USH2A: variants seen among roughly 807,000 people sequenced by gnomAD.
USH2A encodes the protein usherin.
A neutral mutation model predicts 538.9 loss-of-function variants in USH2A; 443 were observed. That is an observed-to-expected ratio of 0.82 (90% CI 0.76 to 0.89). The LOEUF (loss-of-function observed/expected upper bound fraction) is 0.89, where lower values mean the gene tolerates loss of function less well. Ranked by LOEUF, USH2A falls within the 40% of genes least tolerant of loss-of-function variation. USH2A has a pLI of 0.00. For synonymous variants in USH2A, 2,413 were observed against 2,273.5 expected, an observed-to-expected ratio of 1.06 and a Z score of -1.75; for missense variants, 6,633 against 6,324.8, an observed-to-expected ratio of 1.05 and a Z score of -1.65.
At position 215,683,216 on chromosome 1, in the gene USH2A, TACACACACACACACACACACACAC is replaced by T. The variant is rs71167830; in HGVS notation, c.12067-2864_12067-2841del. 5.5e-3 allele frequency among the ~76,000 whole-genome samples: 819 copies of T among 149,680 alleles called. 7 individuals carry two copies. The highest frequency in any genetic ancestry group is 0.019 in the African/African-American group (761 of 40,370). On this transcript the variant is annotated intron_variant, in intron 61 of 71. Coordinates refer to ENST00000307340, the MANE Select transcript of USH2A (RefSeq NM_206933.4). ...ACTTTGTTATTCCTGAATAGTTTTA[TACACACACACACACACACACACAC>T]ACACACACACACACGCACACACACA... is the stretch of plus-strand genomic sequence containing the variant.
intron 21 of USH2A, among the ~76,000 whole-genome samples, chr1:216,100,558 T>G (rs2032553419): frequency 6.6e-6 from 1 of 152,178 alleles, no homozygotes; most frequent in Non-Finnish European, 1.5e-5. Context: ...ATAAAATTAC[T>G]CAGCTTGAGG....
intron 38 of USH2A, among the ~76,000 whole-genome samples, chr1:215,904,610 A>G (rs1665586083): frequency 1.3e-5 from 2 of 152,046 alleles, no homozygotes; most frequent in African/African-American, 2.4e-5. Flanking sequence ...AGAGCCCTGT[A>G]TCCATCAGCT....
chr1:215,836,574 T>TTTTTA (rs1394664954), intron 47 of USH2A, among the ~76,000 whole-genome samples: 1 of 80,334 alleles, frequency 1.2e-5, no homozygotes, highest in African/African-American at 4.2e-5. Context: ...TATTTTTTTT[T>TTTTTA]GAGACAGAGT....
rs1182678751 is a variant in USH2A at position 215,860,562 on chromosome 1, C to G, written c.8845+6445G>C. On this transcript the variant is annotated intron_variant, in intron 44 of 71. Coordinates refer to ENST00000307340, the MANE Select transcript of USH2A (RefSeq NM_206933.4). ...ATATATGAAAATCAAATCTCAATGTCCAAAATAAAGTTTTATTGGAACATG... is the reference window on the plus strand; with the variant it reads ...ATATATGAAAATCAAATCTCAATGTGCAAAATAAAGTTTTATTGGAACATG... Among the ~76,000 whole-genome samples, 7 of 152,052 alleles carry G rather than the reference C, an allele frequency of 4.6e-5. No homozygotes were observed. In the South Asian group the frequency reaches 1.2e-3, roughly 27 times the overall value.
Position 215,938,529 on chromosome 1 carries a change from G to A in USH2A, c.7121-3734C>T, listed in dbSNP as rs778579342. Among the ~76,000 whole-genome samples the A allele has an allele frequency of 8.5e-4, 130 of 152,068 alleles. 2 individuals are homozygous for A. The highest frequency in any genetic ancestry group is 5.2e-4 in the Admixed American group (8 of 15,246). On this transcript the variant is annotated intron_variant, in intron 37 of 71. Coordinates refer to ENST00000307340, the MANE Select transcript of USH2A (RefSeq NM_206933.4). ...TCAGTGGGCTGGAAAATGCAGCCTCGTTGGTTCAGCCTCAAAAATCAAGCT... is the reference window on the plus strand; with the variant it reads ...TCAGTGGGCTGGAAAATGCAGCCTCATTGGTTCAGCCTCAAAAATCAAGCT...
At chr1:216,173,676 C>T (rs796390454) in intron 21 of USH2A, among the ~76,000 whole-genome samples, 17 of 152,208 alleles carry the variant, frequency 1.1e-4, no homozygotes, top group African/African-American at 3.9e-4. Context: ...GCGAGGATGA[C>T]CAAATTTATT....
intron 34 of USH2A, among the ~76,000 whole-genome samples, chr1:215,996,852 C>T (rs1668155049): frequency 6.6e-6 from 1 of 152,048 alleles, no homozygotes. Context: ...AATGACGTTA[C>T]ATGAAGTAAC....
chr1:216,353,964 A>G (rs771554149), intron 4 of USH2A, among the ~76,000 whole-genome samples: 1 of 152,170 alleles, frequency 6.6e-6, no homozygotes, highest in Non-Finnish European at 1.5e-5. Context: ...CTACTCCCAT[A>G]CTTAGCTCAG....
At chr1:215,683,060 CT>C (rs1658291645) in intron 61 of USH2A, among the ~76,000 whole-genome samples, 1 of 151,614 alleles carries the variant, frequency 6.6e-6, no homozygotes, top group African/African-American at 2.4e-5. Flanking sequence ...TCTTTCTTTC[CT>C]TTTTTTGTAG....
intron 28 of USH2A, 44 bp downstream of exon 28, chr1:216,073,053 A>G: frequency 6.2e-7 from 1 of 1,613,398 alleles, no homozygotes; most frequent in Non-Finnish European, 8.5e-7. Flanking sequence ...AAGGGGGATG[A>G]ATAAGAGACA....
Position 216,232,002 on chromosome 1 carries a change from A to C in USH2A, c.2944T>G (p.Cys982Gly). The change falls in exon 14 of 72, where the codon TGT becomes GGT. Residue 982 changes from cysteine (C) to glycine (G), a missense_variant. Coordinates refer to ENST00000307340, the MANE Select transcript of USH2A (RefSeq NM_206933.4). ...CQDASIAGQR[C>G]DQCKDHYFGF... ...AAGTAATGGTCTTTGCATTGGTCAC[A>C]ACGTTGCCCAGCAATGGAAGCATCT... The C allele has an allele frequency of 6.2e-7, 1 of 1,614,090 alleles. No homozygotes were observed.
intron 24 of USH2A, 116 bp downstream of exon 24, chr1:216,086,603 A>G (rs1300511744): frequency 3.3e-6 from 3 of 899,898 alleles, no homozygotes; most frequent in Non-Finnish European, 5.2e-6. Context: ...TTGGCACATT[A>G]ATATAGAAAA....
At position 215,755,482 on chromosome 1, in the gene USH2A, A is replaced by G. The variant is rs531121160; in HGVS notation, c.11389+3113T>C. Among the ~76,000 whole-genome samples, 13 of 152,338 alleles carry G rather than the reference A, an allele frequency of 8.5e-5. No homozygotes were observed. The East Asian group carries it at 2.1e-3, about 25-fold the overall frequency. On this transcript the variant is annotated intron_variant, in intron 58 of 71. Coordinates refer to ENST00000307340, the MANE Select transcript of USH2A (RefSeq NM_206933.4). The stretch of plus-strand genomic sequence containing the variant: ...ACATGTTTTTATTATCCAAATCAAA[A>G]CACAGCATGAGGTACTTTCCAATAA...
intron 22 of USH2A, among the ~76,000 whole-genome samples, chr1:216,095,202 T>C (rs1292581748): frequency 1.3e-5 from 2 of 152,150 alleles, no homozygotes; most frequent in African/African-American, 4.8e-5. Context: ...TTCTTGAGCA[T>C]GTGCTTTTTG....
At chr1:215,724,094 C>CA (rs375089594) in intron 61 of USH2A, among the ~76,000 whole-genome samples, 3 of 151,746 alleles carry the variant, frequency 2.0e-5, no homozygotes, top group Admixed American at 6.6e-5. Context: ...ATATCTATAT[C>CA]TATATCATCT....
At chr1:216,285,232 C>G (rs1306595575) in intron 11 of USH2A, among the ~76,000 whole-genome samples, 2 of 152,168 alleles carry the variant, frequency 1.3e-5, no homozygotes, top group Admixed American at 1.3e-4. Flanking sequence ...TCCCATGGGC[C>G]CAGGGCCCCC....
At chr1:215,629,657 C>T (rs980840779) in intron 70 of USH2A, among the ~76,000 whole-genome samples, 2 of 151,982 alleles carry the variant, frequency 1.3e-5, no homozygotes, top group African/African-American at 4.8e-5. Context: ...GAAAAAGTCA[C>T]TACATAATTT....
At chr1:215,733,794 C>T (rs527594478) in intron 60 of USH2A, among the ~76,000 whole-genome samples, 2 of 152,386 alleles carry the variant, frequency 1.3e-5, no homozygotes, top group Admixed American at 6.5e-5. Context: ...CTCCAGGGCA[C>T]ACTGCTGCAA....
intron 44 of USH2A, among the ~76,000 whole-genome samples, chr1:215,858,482 TTC>T (rs1239777668): frequency 1.3e-5 from 2 of 149,612 alleles, no homozygotes; most frequent in African/African-American, 5.0e-5. Context: ...TATGTGTGCA[TTC>T]TCTCTCTCAC....
Sources: allele counts gnomAD v4.1 joint callset (sites outside exome capture counted in the v4.1 genomes callset), GRCh38; gene constraint gnomAD v4.1.1; transcripts MANE v1.5; gene names NCBI Gene and HGNC (gene_info 2026-07-23, HGNC 2026-07-21).